The following HIF3A variants were observed in gnomAD, a reference collection of about 807,000 sequenced individuals.
HIF3A encodes the protein hypoxia-inducible factor 3-alpha.
A neutral mutation model predicts 67.2 loss-of-function variants in HIF3A; 41 were observed. The ratio of observed to expected loss-of-function variants is 0.61; its 90% CI spans 0.48 to 0.79. The LOEUF is 0.79. Among genes scored for constraint, HIF3A ranks in the 30% least tolerant of loss-of-function variants. The probability of loss-of-function intolerance (pLI) is 0.00; values close to 1 mark genes in which losing one functional copy is unlikely to be tolerated. For synonymous variants in HIF3A, 356 were observed against 374.8 expected (o/e 0.95, Z 0.58); for missense variants, 855 against 898.0 (o/e 0.95, Z 0.61).
At position 46,331,164 on chromosome 19, in the gene HIF3A, C is replaced by A; in HGVS notation, c.1721C>A (p.Ala574Asp). 1 of 1,612,402 alleles carries A rather than the reference C, an allele frequency of 6.2e-7. No individual in the cohort carries two copies. The highest frequency in any genetic ancestry group is 1.1e-5 in the South Asian group (1 of 90,920). Residue 574 changes from alanine to aspartate, a missense_variant, in exon 13 of 15, where the codon GCC becomes GAC. Physicochemically the swap from Ala to Asp is moderately radical, Grantham distance 126. Coordinates refer to ENST00000377670, the MANE Select transcript of HIF3A (RefSeq NM_152795.4). ...TGCCTGTTTTCCTCCAGGACCCTGG[C>A]CCAGAGCTCAGAGGACGAGGACGAG... is the stretch of plus-strand genomic sequence containing the variant. ...PMAGARKRTL[A>D]QSSEDEDEGV...
chr19:46,325,721 G>C, intron 11 of HIF3A, 82 bp downstream of exon 11: 4 of 905,314 alleles, frequency 4.4e-6, no homozygotes, highest in Non-Finnish European at 5.4e-6. Flanking sequence ...AGGGTAGTGG[G>C]ATGGTTAAAG....
chr19:46,321,685 T>C, intron 9 of HIF3A, 91 bp from the exon 10 acceptor site: 1 of 1,150,730 alleles, frequency 8.7e-7, no homozygotes, highest in Non-Finnish European at 1.3e-6. Context: ...GCTGAAGATG[T>C]CAACTGTGTT....
rs1373359854 is a variant in HIF3A, at chr19:46,312,551, C to T, written c.923C>T (p.Ala308Val). Residue 308 changes from alanine (A) to valine (V), a missense_variant, in exon 8 of 15, where the codon GCC (alanine) becomes GTC (valine). This residue lies in a region of HIF3A where 638 missense variants were observed against 660.5 expected (regional missense o/e 0.97). Coordinates refer to ENST00000377670, the MANE Select transcript of HIF3A (RefSeq NM_152795.4). ...QAVTGQYRFL[A>V]RSGGYLWTQT... ...GTAACAGGGCAGTATCGCTTCCTGG[C>T]CCGGAGTGGTGGCTACCTGTGGACC... The T allele has an allele frequency of 1.2e-6, 2 of 1,613,688 alleles. No homozygotes were observed. Among genetic ancestry groups the T allele is most frequent in the Non-Finnish European group, 8.5e-7 (1 of 1,179,906 alleles).
At position 46,309,171 on chromosome 19, in the gene HIF3A, T is replaced by C; in HGVS notation, c.582T>C (p.His194=). 6.2e-7 allele frequency: 1 copy of C among 1,613,970 alleles called. No individual in the cohort carries two copies. The highest frequency in any genetic ancestry group is 8.5e-7 in the Non-Finnish European group (1 of 1,179,922). The part of the protein sequence containing the change: ...ATWKVLNCSG[H]MRAYKPPAQT... The stretch of plus-strand genomic sequence containing the variant: ...CCCAGGTGCTGAACTGCTCTGGACA[T>C]ATGAGGGCCTACAAGCCACCTGCGC... Residue 194 remains histidine, a synonymous_variant, in exon 6 of 15, where the codon CAT becomes CAC. Transcript: ENST00000377670.
intron 10 of HIF3A, among the ~76,000 whole-genome samples, chr19:46,323,508 C>A (rs1970540184): frequency 6.6e-6 from 1 of 152,074 alleles, no homozygotes; most frequent in Admixed American, 6.6e-5. Flanking sequence ...AACTGTTTTA[C>A]TAGACTGTTC....
rs148390174 is a variant in HIF3A at position 46,324,870 on chromosome 19, C to T, written c.1336-665C>T. On this transcript the variant is annotated intron_variant, in intron 10 of 14. Transcript: ENST00000377670. ...CTCCCTTTCAAAAAAAAAGTCTTGG[C>T]CTCAAGCTCATGTTTTTATTTATAT... Among the ~76,000 whole-genome samples the T allele has an allele frequency of 1.7e-3, 247 of 147,590 alleles. 1 individual carries two copies. The highest frequency in any genetic ancestry group is 2.7e-3 in the Non-Finnish European group (180 of 67,232).
intron 3 of HIF3A, among the ~76,000 whole-genome samples, chr19:46,307,751 A>G (rs1968990637): frequency 6.6e-6 from 1 of 151,642 alleles, no homozygotes. Context: ...CCATCTCAAA[A>G]AAAAAAAAGA....
At chr19:46,331,415 C>T (rs900850488) in intron 13 of HIF3A, 142 bp downstream of exon 13, 1 of 549,934 alleles carries the variant, frequency 1.8e-6, no homozygotes, top group African/African-American at 2.0e-5. Flanking sequence ...GAGACTAAAG[C>T]CTGATCTTCT....
intron 1 of HIF3A, among the ~76,000 whole-genome samples, chr19:46,302,178 G>A (rs1968396354): frequency 6.6e-6 from 1 of 152,036 alleles, no homozygotes; most frequent in Admixed American, 6.5e-5. Flanking sequence ...CGCCCAGGCT[G>A]GAGTATAGTG....
Position 46,303,638 on chromosome 19 carries a change from C to A in HIF3A, c.27-260C>A, listed in dbSNP as rs1271114414. The stretch of plus-strand genomic sequence containing the variant: ...GGGGACAGAGCGGCCCTAGGCGCGC[C>A]ACAGAGAGGAGCGAGGCGCCAGAGG... On this transcript the variant is annotated intron_variant, in intron 1 of 14. Transcript: ENST00000377670. The A allele has an allele frequency of 1.9e-6, 3 of 1,581,978 alleles. No homozygotes were observed. The African/African-American group carries it at 4.0e-5, about 21-fold the overall frequency.
Position 46,303,939 on chromosome 19 carries a change from C to G in HIF3A, c.68C>G (p.Ala23Gly). ...CGCAAGGAAAAGTCCCGGGATGCGG[C>G]CCGCAGCCGGCGCAGCCAGGAGACC... ...ELRKEKSRDA[A>G]RSRRSQETEV... The change falls in exon 2 of 15, where the codon GCC becomes GGC. Residue 23 changes from alanine to glycine, a missense_variant. This residue lies in a region of HIF3A where 638 missense variants were observed against 660.5 expected (regional missense o/e 0.97). Coordinates refer to ENST00000377670, the MANE Select transcript of HIF3A (RefSeq NM_152795.4). 1 of 1,608,284 alleles carries G rather than the reference C, an allele frequency of 6.2e-7. No homozygotes were observed. The highest frequency in any genetic ancestry group is 8.5e-7 in the Non-Finnish European group (1 of 1,177,904).
At chr19:46,330,706 AATGGATGG>A (rs1161336019) in intron 12 of HIF3A, among the ~76,000 whole-genome samples, 2 of 139,658 alleles carry the variant, frequency 1.4e-5, no homozygotes, top group Non-Finnish European at 3.1e-5. Flanking sequence ...TCAATGGATT[AATGGATGG>A]ATGGATGGTG....
At chr19:46,318,044 C>T (rs1483351099) in intron 8 of HIF3A, among the ~76,000 whole-genome samples, 1 of 151,972 alleles carries the variant, frequency 6.6e-6, no homozygotes, top group Non-Finnish European at 1.5e-5. Context: ...CTATGTTGGC[C>T]GGGCTGGTCT....
intron 6 of HIF3A, among the ~76,000 whole-genome samples, chr19:46,311,591 G>C (rs763082420): frequency 2.6e-5 from 4 of 152,140 alleles, no homozygotes; most frequent in Admixed American, 2.6e-4. Context: ...CAGGCCGGGC[G>C]AGGTGGCTAA....
intron 2 of HIF3A, chr19:46,304,980 A>T (rs1479877225): frequency 1.8e-6 from 1 of 554,844 alleles, no homozygotes; most frequent in Non-Finnish European, 3.3e-6. Context: ...AGGCCCACCC[A>T]CATCCTTAGA....
chr19:46,331,537 A>C (rs947459420), intron 13 of HIF3A: 7 of 234,452 alleles, frequency 3.0e-5, no homozygotes, highest in African/African-American at 1.1e-4. Flanking sequence ...AAAAAAAAAA[A>C]AAAACTCTGC....
rs1344795233 is a variant in HIF3A at position 46,334,885 on chromosome 19, G to A, written c.1831-20G>A. 6.3e-7 allele frequency: 1 copy of A among 1,594,674 alleles called. No homozygotes were observed. On this transcript the variant is annotated intron_variant, in intron 13 of 14. Transcript: ENST00000377670. ...ACTAATGATGATGATGATGGTGGTG[G>A]CTTTGTCTCTCTCCCACAGAGTTTC...
intron 14 of HIF3A, among the ~76,000 whole-genome samples, chr19:46,337,479 G>C (rs1971712595): frequency 6.6e-6 from 1 of 152,000 alleles, no homozygotes; most frequent in South Asian, 2.1e-4. Flanking sequence ...ATGTTGCTCA[G>C]GCTGGTCTCA....
chr19:46,321,503 G>A (rs1030797689), intron 9 of HIF3A, among the ~76,000 whole-genome samples: 3 of 152,158 alleles, frequency 2.0e-5, no homozygotes, highest in South Asian at 2.1e-4. Context: ...AGAATTGCTC[G>A]AACCCAGGAG....
Sources: gnomAD v4.1 joint callset for allele counts (sites outside exome capture counted in the v4.1 genomes callset) on GRCh38, gnomAD v4.1.1 for gene constraint, gnomAD v4.1.1 regional missense constraint, MANE v1.5 for transcripts, NCBI Gene and HGNC (gene_info 2026-07-23, HGNC 2026-07-21) for gene names.